Variants in BICRA observed in about 807,000 individuals in gnomAD.
The protein encoded by BICRA is BRD4 interacting chromatin remodeling complex associated protein, also known as BRD4-interacting chromatin-remodeling complex-associated protein.
In BICRA, 31 loss-of-function variants were observed where a neutral mutation model predicts 96.9. That is an observed-to-expected ratio of 0.32 (90% CI 0.24 to 0.43). BICRA has a LOEUF of 0.43. Among genes scored for constraint, BICRA ranks in the 20% least tolerant of loss-of-function variants. BICRA has a pLI of 1.00. For missense variants in BICRA, 2,283 were observed against 2,190.3 expected, an observed-to-expected ratio of 1.04 and a Z score of -0.84; for synonymous variants, 1,350 against 1,071.8, an observed-to-expected ratio of 1.26 and a Z score of -5.07.
At chr19:47,633,899 T>C (rs1487493875) in intron 1 of BICRA, among the ~76,000 whole-genome samples, 1 of 152,232 alleles carries the variant, frequency 6.6e-6, no homozygotes, top group African/African-American at 2.4e-5. Context: ...GATTGCTGGG[T>C]GTCTCAGAAC....
intron 9 of BICRA, 130 bp from the exon 10 acceptor site, chr19:47,695,235 C>A: frequency 1.3e-6 from 1 of 764,738 alleles, no homozygotes; most frequent in East Asian, 2.7e-5. Context: ...GGTGGCAGGG[C>A]TGGCCCCAGA....
intron 1 of BICRA, among the ~76,000 whole-genome samples, chr19:47,667,423 A>T (rs78306683): frequency 6.6e-6 from 1 of 152,192 alleles, no homozygotes; most frequent in East Asian, 1.9e-4. Context: ...ACTGGTTTGC[A>T]GAAGCCTCAC....
At chr19:47,663,687 G>A (rs1043024592) in intron 1 of BICRA, 1 of 152,192 alleles carries the variant, frequency 6.6e-6, no homozygotes, top group East Asian at 1.9e-4. Context: ...GGCTGGGAAA[G>A]TGAGTGTCTG....
chr19:47,636,708 A>G (rs1055384253), intron 1 of BICRA, among the ~76,000 whole-genome samples: 2 of 152,052 alleles, frequency 1.3e-5, no homozygotes, highest in Non-Finnish European at 2.9e-5. Flanking sequence ...GTATTTCACC[A>G]TGTTGGCCAG....
intron 1 of BICRA, among the ~76,000 whole-genome samples, chr19:47,659,685 T>TACACACACACACACACAC (rs10567798): frequency 7.6e-6 from 1 of 132,414 alleles, no homozygotes; most frequent in Non-Finnish European, 1.6e-5. Context: ...TGGTGGTGCA[T>TACACACACACACACACAC]ACACACACAC....
At chr19:47,694,776 CCT>C in intron 8 of BICRA, 50 bp downstream of exon 8, 1 of 1,096,634 alleles carries the variant, frequency 9.1e-7, no homozygotes, top group South Asian at 1.4e-5. Flanking sequence ...CCCATCCCAC[CCT>C]CTCAGTCTGA....
At chr19:47,643,969 G>A (rs998919315) in intron 1 of BICRA, among the ~76,000 whole-genome samples, 1 of 152,134 alleles carries the variant, frequency 6.6e-6, no homozygotes, top group African/African-American at 2.4e-5. Flanking sequence ...CAGCCAGGAG[G>A]CACAGAGCAT....
Position 47,702,121 on chromosome 19 carries a change from C to G in BICRA, c.4389C>G (p.Asp1463Glu). The G allele has an allele frequency of 1.3e-6, 2 of 1,529,626 alleles. No homozygotes were observed. Among genetic ancestry groups the G allele is most frequent in the South Asian group, 2.4e-5 (2 of 83,024 alleles). The allele number at this position is 1,529,626 out of a possible 1,614,324, so 94.8% of individuals were successfully genotyped here. Residue 1463 changes from aspartate (D) to glutamate (E), a missense_variant, in exon 15 of 15, where the codon GAC becomes GAG. Transcript: ENST00000594866. ...CCGCCCAAGGCACCGGGGACCCCGA[C>G]TGGGAGGCGCCCGGGCTGCCCCCTG... Reference protein sequence around the residue: ...ASAAQGTGDPDWEAPGLPPAK... With the variant: ...ASAAQGTGDPEWEAPGLPPAK...
chr19:47,679,683 C>T lies in BICRA; in HGVS notation c.513C>T (p.Gly171=). The change falls in exon 6 of 15, where the codon GGC becomes GGT. Residue 171 remains glycine, a synonymous_variant. Transcript: ENST00000594866. ...PGSTDLLGLQ[G]PPTVLTHQAL... ...GCACCGACCTGCTGGGGCTGCAGGG[C>T]CCGCCTACCGTGCTGACCCACCAGG... The T allele has an allele frequency of 6.6e-7, 1 of 1,524,242 alleles. No homozygotes were observed. The highest frequency in any genetic ancestry group is 8.8e-7 in the Non-Finnish European group (1 of 1,137,806). The allele number at this position is 1,524,242 out of a possible 1,614,324, so 94.4% of individuals were successfully genotyped here.
chr19:47,701,266 C>G lies in BICRA; in HGVS notation c.3596-62C>G. 1 of 1,218,176 alleles carries G rather than the reference C, an allele frequency of 8.2e-7. No individual in the cohort carries two copies. The highest frequency in any genetic ancestry group is 1.5e-5 in the African/African-American group (1 of 67,466). 75.5% of individuals were successfully genotyped at this position (1,218,176 alleles called of 1,614,324 possible). ...TAGGTGCTCACTGCACACAGCTCCT[C>G]CCAGCTCGGTCGGGGGGTCCTCATC... is the stretch of plus-strand genomic sequence containing the variant. On this transcript the variant is annotated intron_variant, in intron 14 of 14. Coordinates refer to ENST00000594866, the MANE Select transcript of BICRA (RefSeq NM_001394372.1). The surrounding 1 kb of genome is among the most constrained non-coding windows in gnomAD (Gnocchi z 5.4).
intron 7 of BICRA, among the ~76,000 whole-genome samples, chr19:47,689,466 A>G (rs1237896165): frequency 1.3e-5 from 2 of 152,060 alleles, no homozygotes; most frequent in East Asian, 1.9e-4. Context: ...GCTGGAGTGC[A>G]GTGGCAAGAT....
At chr19:47,618,305 T>C (rs1241058677) in intron 1 of BICRA, among the ~76,000 whole-genome samples, 2 of 152,192 alleles carry the variant, frequency 1.3e-5, no homozygotes, top group Admixed American at 1.3e-4. Flanking sequence ...TTCTGCTCCT[T>C]CTAACCCTGT....
At position 47,697,011 on chromosome 19, in the gene BICRA, A is replaced by AGG. The variant is rs59553884; in HGVS notation, c.3248+505_3248+506dup. Among the ~76,000 whole-genome samples, 718 of 151,010 alleles carry AGG rather than the reference A, an allele frequency of 4.8e-3. 5 individuals are homozygous for AGG. Among genetic ancestry groups the AGG allele is most frequent in the South Asian group, 0.026 (122 of 4,764 alleles). ...CCACCAGGGTTTTTTGTTTTGTTTT[A>AGG]GGGGGGGTTCTTTGAGCCAGAATCT... On this transcript the variant is annotated intron_variant, in intron 11 of 14. Transcript: ENST00000594866.
Position 47,619,296 on chromosome 19 carries a change from C to T in BICRA, c.-108+10128C>T, listed in dbSNP as rs1187202055. Among the ~76,000 whole-genome samples, 15 of 148,580 alleles carry T rather than the reference C, an allele frequency of 1.0e-4. 1 individual carries two copies. The highest frequency in any genetic ancestry group is 1.5e-4 in the African/African-American group (6 of 40,094). ...ATGGGGTCTCGCTGTTTCGCTCTGTCCCCTAGGCCGGAGTGCAGTGGCACT... is the reference window on the plus strand; with the variant it reads ...ATGGGGTCTCGCTGTTTCGCTCTGTTCCCTAGGCCGGAGTGCAGTGGCACT... On this transcript the variant is annotated intron_variant, in intron 1 of 14. Coordinates refer to ENST00000594866, the MANE Select transcript of BICRA (RefSeq NM_001394372.1).
At chr19:47,686,989 AGATG>A (rs1248299993) in intron 7 of BICRA, among the ~76,000 whole-genome samples, 2 of 152,252 alleles carry the variant, frequency 1.3e-5, no homozygotes, top group African/African-American at 2.4e-5. Context: ...GTAAATTAAT[AGATG>A]TATATTAACA....
intron 7 of BICRA, among the ~76,000 whole-genome samples, chr19:47,685,319 G>A (rs527819138): frequency 2.8e-4 from 43 of 152,242 alleles, no homozygotes; most frequent in Non-Finnish European, 6.0e-4. Flanking sequence ...AGCTTAGTGC[G>A]CACAGGCAGG....
intron 1 of BICRA, among the ~76,000 whole-genome samples, chr19:47,651,730 G>C (rs764574093): frequency 1.3e-5 from 2 of 152,222 alleles, no homozygotes; most frequent in Non-Finnish European, 2.9e-5. Flanking sequence ...TGGGAGGTCA[G>C]TTAGAAGTCC....
At chr19:47,611,899 CT>C (rs1385308654) in intron 1 of BICRA, among the ~76,000 whole-genome samples, 3 of 150,278 alleles carry the variant, frequency 2.0e-5, no homozygotes, top group African/African-American at 4.9e-5. Flanking sequence ...GAGACAGAGT[CT>C]CGCTGTGTTG....
At position 47,698,563 on chromosome 19, in the gene BICRA, G is replaced by A. The variant is rs1973384657; in HGVS notation, c.3249-71G>A. The A allele has an allele frequency of 1.4e-6, 1 of 739,242 alleles. No individual in the cohort carries two copies. Among genetic ancestry groups the A allele is most frequent in the South Asian group, 1.5e-5 (1 of 65,470 alleles). 45.8% of individuals were successfully genotyped at this position (739,242 alleles called of 1,614,324 possible). On this transcript the variant is annotated intron_variant, in intron 11 of 14. Transcript: ENST00000594866. This position sits in a 1 kb window ranked among gnomAD's most constrained non-coding sequence, Gnocchi z 4.8. ...TTGCGGCCTGGGGCTGAGGGTTCAG[G>A]GACTTCCCCTGGCCCTCACCCGTCC... is the stretch of plus-strand genomic sequence containing the variant.
Sources: gnomAD v4.1 joint callset for allele counts (sites outside exome capture counted in the v4.1 genomes callset) on GRCh38, gnomAD v4.1.1 for gene constraint, Gnocchi (gnomAD v3.1) non-coding constraint, MANE v1.5 for transcripts, NCBI Gene and HGNC (gene_info 2026-07-23, HGNC 2026-07-21) for gene names.